Variants in CEP295NL observed in about 807,000 individuals in gnomAD.
CEP295NL encodes the protein CEP295 N-terminal like, also known as protein DDC8 homolog.
In CEP295NL, 3 loss-of-function variants were observed where a neutral mutation model predicts 4.6. The observed-to-expected ratio is 0.65, with a 90% CI of 0.30 to 1.69. The LOEUF (loss-of-function observed/expected upper bound fraction) is 1.69, where lower values mean the gene tolerates loss of function less well. CEP295NL is among the 40% of genes most tolerant of loss of function. CEP295NL has a pLI of 0.10. For synonymous variants in CEP295NL, 295 were observed against 312.2 expected (o/e 0.94, Z 0.58); for missense variants, 719 against 769.0 (o/e 0.93, Z 0.77).
At position 78,897,014 on chromosome 17, in the gene CEP295NL, A is replaced by G. The variant is rs1167732861; in HGVS notation, c.45-4555T>C. On this transcript the variant is annotated intron_variant, in intron 2 of 2. Coordinates refer to ENST00000322630, the MANE Select transcript of CEP295NL (RefSeq NM_001243540.2). Reference sequence around the variant, plus strand: ...CTCGCCTTTCCCTGGGCGGCCGCTCAGACAGCTTTTCAGCCAAGGCAGACC... The same window carrying G: ...CTCGCCTTTCCCTGGGCGGCCGCTCGGACAGCTTTTCAGCCAAGGCAGACC... 8.1e-6 allele frequency: 8 copies of G among 985,216 alleles called. No individual in the cohort carries two copies. In the South Asian group the frequency reaches 1.9e-4, roughly 23 times the overall value. The allele number at this position is 985,216 out of a possible 1,614,324, so 61.0% of individuals were successfully genotyped here. A position where few individuals can be genotyped will look rare whatever the true frequency, so the allele number is the denominator to read the frequency against.
chr17:78,902,200 G>C (rs745779689), intron 1 of CEP295NL, among the ~76,000 whole-genome samples: 3 of 152,178 alleles, frequency 2.0e-5, no homozygotes, highest in Non-Finnish European at 4.4e-5. Flanking sequence ...TCCACCTTCC[G>C]GGTTCAAGCA....
At chr17:78,894,557 GTTT>G (rs1179865481) in intron 2 of CEP295NL, among the ~76,000 whole-genome samples, 23 of 152,086 alleles carry the variant, frequency 1.5e-4, no homozygotes, top group Non-Finnish European at 2.9e-5. Flanking sequence ...GGAAAGAATA[GTTT>G]TTTTGTTTTT....
chr17:78,901,817 C>A lies in CEP295NL; in HGVS notation c.12G>T (p.Gly4=), dbSNP rs923583812. MCS[G]WSSSVIWRHT... ...GTCTCCAGATGACTGAGCTAGACCACCCAGAACACATTACAGGGAGGCAGA... is the reference window on the plus strand; with the variant it reads ...GTCTCCAGATGACTGAGCTAGACCAACCAGAACACATTACAGGGAGGCAGA... Residue 4 remains glycine, a synonymous_variant, in exon 2 of 3, where the codon GGG becomes GGT. Transcript: ENST00000322630. 9.8e-6 allele frequency: 7 copies of A among 715,798 alleles called. No individual in the cohort carries two copies. The highest frequency in any genetic ancestry group is 8.8e-5 in the African/African-American group (5 of 57,082). The allele number at this position is 715,798 out of a possible 1,614,324, so 44.3% of individuals were successfully genotyped here.
At chr17:78,894,142 C>T (rs1044600633) in intron 2 of CEP295NL, among the ~76,000 whole-genome samples, 5 of 152,100 alleles carry the variant, frequency 3.3e-5, no homozygotes, top group Admixed American at 6.6e-5. Context: ...GAGCACTGGG[C>T]ATGTATCCGT....
intron 1 of CEP295NL, chr17:78,902,761 T>C (rs1164679760): frequency 6.6e-6 from 1 of 152,256 alleles, no homozygotes; most frequent in Non-Finnish European, 1.5e-5. Context: ...ACAGCGTCCA[T>C]TACCGCTTCC....
In CEP295NL at chr17:78,896,632, C is replaced by G. The variant is rs1014237966; in HGVS notation, c.45-4173G>C. ...CCCTGCTGCCCTCTGGTCCTGCCAC[C>G]CCGAGCTGACAAGCCTGCCTTCTGC... On this transcript the variant is annotated intron_variant, in intron 2 of 2. Coordinates refer to ENST00000322630, the MANE Select transcript of CEP295NL (RefSeq NM_001243540.2). The surrounding 1 kb of genome is among the most constrained non-coding windows in gnomAD (Gnocchi z 4.4). Among the ~76,000 whole-genome samples, 59 of 152,082 alleles carry G rather than the reference C, an allele frequency of 3.9e-4. No individual in the cohort carries two copies. The highest frequency in any genetic ancestry group is 1.4e-3 in the African/African-American group (56 of 41,432).
intron 2 of CEP295NL, chr17:78,898,938 A>G (rs1202261066): frequency 3.3e-5 from 5 of 152,216 alleles, no homozygotes; most frequent in African/African-American, 1.2e-4. Context: ...GGGTTTCACC[A>G]TGCCGGCCAG....
intron 2 of CEP295NL, among the ~76,000 whole-genome samples, chr17:78,893,419 G>C (rs1224084151): frequency 8.1e-6 from 1 of 123,836 alleles, no homozygotes; most frequent in South Asian, 2.6e-4. Context: ...GTGCATAGGG[G>C]TGTGTGTGCA....
chr17:78,902,667 C>T (rs1210861128), intron 1 of CEP295NL: 1 of 152,322 alleles, frequency 6.6e-6, no homozygotes, highest in Non-Finnish European at 1.5e-5. Context: ...GGCAGACTGA[C>T]CTCCAAACTC....
chr17:78,896,970 G>C lies in CEP295NL; in HGVS notation c.45-4511C>G. On this transcript the variant is annotated intron_variant, in intron 2 of 2. Coordinates refer to ENST00000322630, the MANE Select transcript of CEP295NL (RefSeq NM_001243540.2). The surrounding 1 kb of genome is among the most constrained non-coding windows in gnomAD (Gnocchi z 4.4). ...TCAGGCAACCTCTGGCCTACAGCTT[G>C]AGAATGACGTCCAAGCAGCTCGCCT... The C allele has an allele frequency of 3.0e-6, 3 of 985,388 alleles. No individual in the cohort carries two copies. Among genetic ancestry groups the C allele is most frequent in the Non-Finnish European group, 3.6e-6 (3 of 829,926 alleles). The allele number at this position is 985,388 out of a possible 1,614,324, so 61.0% of individuals were successfully genotyped here. A position where few individuals can be genotyped will look rare whatever the true frequency, so the allele number is the denominator to read the frequency against.
intron 2 of CEP295NL, chr17:78,898,742 CTTTT>C (rs1392015030): frequency 6.6e-6 from 1 of 152,050 alleles, no homozygotes; most frequent in Non-Finnish European, 1.5e-5. Flanking sequence ...TTTTTCTTTT[CTTTT>C]TTCTTTTTTG....
chr17:78,902,021 G>A (rs745369589), intron 1 of CEP295NL, 95 bp from the exon 2 acceptor site: 2 of 559,278 alleles, frequency 3.6e-6, no homozygotes, highest in Non-Finnish European at 6.4e-6. Context: ...TACCCTCCAT[G>A]ACACGCTGTG....
At chr17:78,893,930 C>A (rs1451650107) in intron 2 of CEP295NL, among the ~76,000 whole-genome samples, 1 of 152,126 alleles carries the variant, frequency 6.6e-6, no homozygotes, top group African/African-American at 2.4e-5. Flanking sequence ...GATCTGTGAG[C>A]TGCAGGAAAG....
rs1341434296 is a variant in CEP295NL, at chr17:78,892,342, G to C, written c.162C>G (p.Asp54Glu). The C allele has an allele frequency of 1.3e-6, 2 of 1,550,648 alleles. No individual in the cohort carries two copies. Among genetic ancestry groups the C allele is most frequent in the Middle Eastern group, 1.7e-4 (1 of 5,990 alleles). Reference protein sequence around the residue: ...PWEAVSAGFADRNRNMDGAMW... With the variant: ...PWEAVSAGFAERNRNMDGAMW... ...TGGCTCCATCCATGTTTCTGTTCCT[G>C]TCTGCGAACCCAGCAGATACAGCTT... Residue 54 changes from aspartate (D) to glutamate (E), a missense_variant, in exon 3 of 3, where the codon GAC (aspartate) becomes GAG (glutamate). Coordinates refer to ENST00000322630, the MANE Select transcript of CEP295NL (RefSeq NM_001243540.2).
At position 78,891,733 on chromosome 17, in the gene CEP295NL, C is replaced by T. The variant is rs983529586; in HGVS notation, c.771G>A (p.Val257=). The T allele has an allele frequency of 7.2e-5, 111 of 1,551,120 alleles. No individual in the cohort carries two copies. The highest frequency in any genetic ancestry group is 9.2e-5 in the Non-Finnish European group (105 of 1,147,156). The change falls in exon 3 of 3, where the codon GTG becomes GTA. Residue 257 remains valine, a synonymous_variant. Coordinates refer to ENST00000322630, the MANE Select transcript of CEP295NL (RefSeq NM_001243540.2). This position sits in a 1 kb window ranked among gnomAD's most constrained non-coding sequence, Gnocchi z 4.5. ...GADLERSNPL[V]AAVGEIGLVE... ...CAAGCCCGATTTCTCCCACAGCAGC[C>T]ACGAGTGGGTTTGACCTTTCTAGGT... is the stretch of plus-strand genomic sequence containing the variant.
intron 2 of CEP295NL, chr17:78,897,877 T>C (rs2070028591): frequency 6.6e-6 from 1 of 152,214 alleles, no homozygotes; most frequent in Non-Finnish European, 1.5e-5. Flanking sequence ...TGTGTCGGTT[T>C]TCCTGGAGAC....
Position 78,892,277 on chromosome 17 carries a change from C to T in CEP295NL, c.227G>A (p.Trp76Ter), listed in dbSNP as rs2069912046. ...TTGTAGCAATTTGTGCTTTTTCCTC[C>T]AAAGCAGGTCTTCGTTATCAGGACA... Reference protein sequence around the residue: ...SLCPDNEDLLWRKKHKLLQAR... With the variant: ...SLCPDNEDLL The change falls in exon 3 of 3, where the codon TGG (tryptophan) becomes TAG (stop). Residue 76 changes from tryptophan (W) to a stop codon, truncating the protein, a stop_gained. Transcript: ENST00000322630. LOFTEE classifies it low-confidence loss of function (END_TRUNC). 6.4e-7 allele frequency: 1 copy of T among 1,550,650 alleles called. No homozygotes were observed. The highest frequency in any genetic ancestry group is 8.7e-7 in the Non-Finnish European group (1 of 1,147,052).
chr17:78,902,145 T>C (rs996832811), intron 1 of CEP295NL, among the ~76,000 whole-genome samples: 7 of 152,182 alleles, frequency 4.6e-5, no homozygotes, highest in Admixed American at 4.6e-4. Context: ...TTCACTATGT[T>C]GCCCAGGCTG....
chr17:78,891,499 GTTC>G lies in CEP295NL; in HGVS notation c.1002_1004del (p.Lys334del), dbSNP rs1427439042. The G allele has an allele frequency of 1.0e-5, 16 of 1,551,146 alleles. No individual in the cohort carries two copies. Among genetic ancestry groups the G allele is most frequent in the Non-Finnish European group, 1.3e-5 (15 of 1,147,120 alleles). ...CCAACTCCAGCTCTTTCTGCCACTTGTTCTTCTCCCGGAGCGTGCACTGAGATG... is the reference window on the plus strand; with the variant it reads ...CCAACTCCAGCTCTTTCTGCCACTTGTTCTCCCGGAGCGTGCACTGAGATG... On this transcript the variant is annotated inframe_deletion, in exon 3 of 3. Transcript: ENST00000322630. The surrounding 1 kb of genome is among the most constrained non-coding windows in gnomAD (Gnocchi z 4.5).
Sources: gnomAD v4.1 joint callset for allele counts (sites outside exome capture counted in the v4.1 genomes callset) on GRCh38, gnomAD v4.1.1 for gene constraint, Gnocchi (gnomAD v3.1) non-coding constraint, MANE v1.5 for transcripts, NCBI Gene and HGNC (gene_info 2026-07-23, HGNC 2026-07-21) for gene names.